Variants in WWOX observed in about 807,000 individuals in gnomAD.
The protein encoded by WWOX is WW domain containing oxidoreductase.
In WWOX, 69 loss-of-function variants were observed where a neutral mutation model predicts 46.2. The observed-to-expected ratio is 1.49, with a 90% CI of 1.23 to 1.82. The LOEUF (loss-of-function observed/expected upper bound fraction) is 1.82. Among genes scored for constraint, WWOX ranks in the 40% most tolerant of loss-of-function variants. The pLI, the probability that WWOX is intolerant of heterozygous loss-of-function variation, is 0.00. For missense variants in WWOX, 919 were observed against 542.6 expected (o/e 1.69, Z -6.89); for synonymous variants, 359 against 202.6 (o/e 1.77, Z -6.56).
intron 8 of WWOX, among the ~76,000 whole-genome samples, chr16:78,928,285 C>G (rs1050832501): frequency 2.0e-5 from 3 of 150,224 alleles, no homozygotes; most frequent in Non-Finnish European, 4.4e-5. Context: ...TCACTGCAAG[C>G]TCCGCCTCCC....
chr16:78,546,453 G>T (rs2044034053), intron 8 of WWOX, among the ~76,000 whole-genome samples: 1 of 152,166 alleles, frequency 6.6e-6, no homozygotes, highest in Non-Finnish European at 1.5e-5. Context: ...AAGAATACTG[G>T]ACCCAGAGTT....
At chr16:79,103,057 G>A (rs542713628) in intron 8 of WWOX, among the ~76,000 whole-genome samples, 6 of 151,376 alleles carry the variant, frequency 4.0e-5, no homozygotes, top group African/African-American at 1.2e-4. Flanking sequence ...CTTGCTTTGG[G>A]CAAGTTCTCA....
At chr16:79,138,417 A>G (rs754306364) in intron 8 of WWOX, among the ~76,000 whole-genome samples, 6 of 152,150 alleles carry the variant, frequency 3.9e-5, no homozygotes, top group Non-Finnish European at 5.9e-5. Context: ...TTTCTGCCAC[A>G]GTTTAAGTAT....
At chr16:78,259,992 G>A (rs1231996343) in intron 5 of WWOX, among the ~76,000 whole-genome samples, 1 of 151,254 alleles carries the variant, frequency 6.6e-6, no homozygotes, top group Non-Finnish European at 1.5e-5. Context: ...TAAGTGCTTC[G>A]TTAAATGAAT....
At chr16:78,843,765 C>T (rs1036385601) in intron 8 of WWOX, among the ~76,000 whole-genome samples, 2 of 152,100 alleles carry the variant, frequency 1.3e-5, no homozygotes, top group African/African-American at 4.8e-5. Context: ...AAATATTTAG[C>T]CAGAGCCAAA....
At chr16:78,799,964 C>G (rs1022834692) in intron 8 of WWOX, among the ~76,000 whole-genome samples, 1 of 152,192 alleles carries the variant, frequency 6.6e-6, no homozygotes, top group Non-Finnish European at 1.5e-5. Flanking sequence ...TCCCCCGCGT[C>G]TGGCATTGCA....
chr16:78,990,433 C>T (rs2046864097), intron 8 of WWOX, among the ~76,000 whole-genome samples: 1 of 152,136 alleles, frequency 6.6e-6, no homozygotes, highest in African/African-American at 2.4e-5. Flanking sequence ...TGTCTAGCTT[C>T]AGTGGATTTC....
chr16:78,810,127 C>G, intron 8 of WWOX, among the ~76,000 whole-genome samples: 1 of 152,212 alleles, frequency 6.6e-6, no homozygotes, highest in Non-Finnish European at 1.5e-5. Context: ...AAGAGGAGCC[C>G]TCATACAGTT....
intron 8 of WWOX, among the ~76,000 whole-genome samples, chr16:78,568,821 A>G (rs2044642009): frequency 6.6e-6 from 1 of 152,172 alleles, no homozygotes; most frequent in Admixed American, 6.5e-5. Context: ...CTGTCACAAT[A>G]TTAATACTAG....
intron 8 of WWOX, among the ~76,000 whole-genome samples, chr16:78,531,755 G>C (rs2043627808): frequency 6.6e-6 from 1 of 152,160 alleles, no homozygotes; most frequent in Admixed American, 6.5e-5. Context: ...CTACTTGGGA[G>C]GCTGAGACAG....
chr16:78,176,207 G>A (rs2035339823), intron 5 of WWOX, among the ~76,000 whole-genome samples: 1 of 152,156 alleles, frequency 6.6e-6, no homozygotes, highest in Non-Finnish European at 1.5e-5. Flanking sequence ...TAAAACTCAC[G>A]TCTCTCAAAT....
chr16:78,945,416 C>G (rs1016360493), intron 8 of WWOX, among the ~76,000 whole-genome samples: 7 of 152,132 alleles, frequency 4.6e-5, no homozygotes, highest in African/African-American at 1.7e-4. Flanking sequence ...CATCTAAAGT[C>G]TCTGTATCAA....
chr16:78,993,195 C>G (rs755575851), intron 8 of WWOX, among the ~76,000 whole-genome samples: 1 of 150,992 alleles, frequency 6.6e-6, no homozygotes, highest in Non-Finnish European at 1.5e-5. Flanking sequence ...CAATGAGTTT[C>G]TGTGACAAAG....
intron 5 of WWOX, among the ~76,000 whole-genome samples, chr16:78,243,099 C>T (rs1460087419): frequency 6.6e-6 from 1 of 152,218 alleles, no homozygotes; most frequent in Admixed American, 6.5e-5. Flanking sequence ...CTTCCACTGT[C>T]ATCCCATGAT....
intron 8 of WWOX, among the ~76,000 whole-genome samples, chr16:78,676,713 A>T (rs553943296): frequency 2.6e-5 from 4 of 152,324 alleles, no homozygotes; most frequent in African/African-American, 9.6e-5. Flanking sequence ...AATCAGTTTA[A>T]AGCAAGTTCT....
rs568443737 is a variant in WWOX at position 79,095,297 on chromosome 16, G to A, written c.1057-116311G>A. On this transcript the variant is annotated intron_variant, in intron 8 of 8. Transcript: ENST00000566780. ...AAAAATGGACCCTGCATTTATAGCTGTTCCTTCAAGGAGCTCAAACTGCTT... is the reference window on the plus strand; with the variant it reads ...AAAAATGGACCCTGCATTTATAGCTATTCCTTCAAGGAGCTCAAACTGCTT... 1.2e-4 allele frequency among the ~76,000 whole-genome samples: 18 copies of A among 152,316 alleles called. No homozygotes were observed. In the South Asian group the frequency reaches 3.7e-3, roughly 32 times the overall value.
chr16:78,796,977 C>T (rs905244432), intron 8 of WWOX, among the ~76,000 whole-genome samples: 1 of 152,094 alleles, frequency 6.6e-6, no homozygotes, highest in African/African-American at 2.4e-5. Flanking sequence ...AGGCATGAGC[C>T]ACCATGCCTG....
At chr16:78,267,342 A>C (rs574803236) in intron 5 of WWOX, among the ~76,000 whole-genome samples, 32 of 152,316 alleles carry the variant, frequency 2.1e-4, no homozygotes, top group African/African-American at 7.7e-4. Context: ...TATTAATTGC[A>C]TGTTTTCTTG....
At chr16:78,618,111 GA>G (rs1183503589) in intron 8 of WWOX, among the ~76,000 whole-genome samples, 2 of 152,186 alleles carry the variant, frequency 1.3e-5, no homozygotes, top group Non-Finnish European at 2.9e-5. Flanking sequence ...TTTTGCCTCT[GA>G]GAGACGCAAG....
Sources: gnomAD v4.1 joint callset for allele counts (sites outside exome capture counted in the v4.1 genomes callset) on GRCh38, gnomAD v4.1.1 for gene constraint, MANE v1.5 for transcripts, NCBI Gene and HGNC (gene_info 2026-07-23, HGNC 2026-07-21) for gene names.